The following DMD variants were observed in gnomAD, a reference collection of about 807,000 sequenced individuals.
The protein encoded by DMD is mutant dystrophin.
In DMD, 63 loss-of-function variants were observed where a neutral mutation model predicts 330.1. The ratio of observed to expected loss-of-function variants is 0.19; its 90% CI spans 0.16 to 0.24. The LOEUF (loss-of-function observed/expected upper bound fraction) is 0.24. DMD is among the 10% of genes least tolerant of loss of function. DMD has a pLI of 1.00. For missense variants in DMD, 3,344 were observed against 2,684.1 expected (o/e 1.25, Z -5.43); for synonymous variants, 1,223 against 959.8 (o/e 1.27, Z -5.07).
At position 32,825,945 on chromosome X, in the gene DMD, C is replaced by T. The variant is rs189839945; in HGVS notation, c.265-2558G>A. ...TTCTAGAGATGGATAGCGGTGATGA[C>T]TACCCAACAACAGAAATATACTTAA... On this transcript the variant is annotated intron_variant, in intron 4 of 78. Coordinates refer to ENST00000357033, the MANE Select transcript of DMD (RefSeq NM_004006.3). Among the ~76,000 whole-genome samples the T allele has an allele frequency of 9.6e-5, 9 of 93,892 alleles. No homozygotes were observed. In the East Asian group the frequency reaches 2.8e-3, roughly 29 times the overall value. The allele number at this position is 93,892 out of a possible 115,157, so 81.5% of individuals were successfully genotyped here. A position where few individuals can be genotyped will look rare whatever the true frequency, so the allele number is the denominator to read the frequency against.
At chrX:32,691,174 C>G (rs1245828951) in intron 9 of DMD, among the ~76,000 whole-genome samples, 2 of 110,340 alleles carry the variant, frequency 1.8e-5, no homozygotes. Flanking sequence ...TCTAAGTTAT[C>G]AAAAAGACAG....
At chrX:32,846,280 G>T in intron 3 of DMD, among the ~76,000 whole-genome samples, 1 of 111,866 alleles carries the variant, frequency 8.9e-6, no homozygotes, top group East Asian at 2.8e-4. Flanking sequence ...GGTGGAGCCA[G>T]GACCCAAACT....
intron 44 of DMD, among the ~76,000 whole-genome samples, chrX:32,125,980 T>C (rs748278032): frequency 4.5e-5 from 5 of 112,219 alleles, no homozygotes; most frequent in Admixed American, 9.5e-5. Flanking sequence ...AGAAGCTCTA[T>C]GGCTAGGGCT....
chrX:32,386,162 G>A (rs1603632240), intron 33 of DMD, 148 bp downstream of exon 33: 1 of 552,591 alleles, frequency 1.8e-6, no homozygotes, highest in Non-Finnish European at 3.1e-6. Flanking sequence ...ATACGTATAT[G>A]TGTGTATATA....
intron 74 of DMD, among the ~76,000 whole-genome samples, chrX:31,156,995 A>G (rs2038210420): frequency 8.9e-6 from 1 of 112,186 alleles, no homozygotes; most frequent in Non-Finnish European, 1.9e-5. Context: ...TCACAGCTGA[A>G]CATCTGGGCA....
intron 57 of DMD, among the ~76,000 whole-genome samples, chrX:31,486,052 T>G (rs1267560208): frequency 8.9e-6 from 1 of 112,388 alleles, no homozygotes; most frequent in Non-Finnish European, 1.9e-5. Flanking sequence ...TGTCCTCATT[T>G]GTAAAATGTG....
At chrX:31,380,749 C>T (rs1179321847) in intron 60 of DMD, among the ~76,000 whole-genome samples, 2 of 110,485 alleles carry the variant, frequency 1.8e-5, no homozygotes, top group Admixed American at 9.7e-5. Context: ...TTCTGGATCT[C>T]AAACATGCTT....
At chrX:32,426,325 G>T (rs72626039) in intron 29 of DMD, among the ~76,000 whole-genome samples, 1 of 111,470 alleles carries the variant, frequency 9.0e-6, no homozygotes, top group Non-Finnish European at 1.9e-5. Flanking sequence ...CAAAGGACAT[G>T]AACACACATT....
intron 60 of DMD, among the ~76,000 whole-genome samples, chrX:31,385,976 C>T (rs1027476481): frequency 1.8e-5 from 2 of 112,145 alleles, no homozygotes; most frequent in African/African-American, 3.2e-5. Context: ...GGAACCAACC[C>T]AAATGTCCAT....
intron 29 of DMD, among the ~76,000 whole-genome samples, chrX:32,414,647 A>C (rs2098159334): frequency 8.9e-6 from 1 of 112,231 alleles, no homozygotes; most frequent in African/African-American, 3.2e-5. Flanking sequence ...AATGAGAAAA[A>C]CAGAAAACTT....
At chrX:33,052,769 TA>T (rs1388503397) in intron 1 of DMD, among the ~76,000 whole-genome samples, 2 of 111,877 alleles carry the variant, frequency 1.8e-5, no homozygotes, top group Admixed American at 9.5e-5. Flanking sequence ...AGGGTGACTA[TA>T]GTCAATAATA....
At chrX:32,081,855 AAATAAT>A (rs748420139) in intron 44 of DMD, among the ~76,000 whole-genome samples, 44 of 110,023 alleles carry the variant, frequency 4.0e-4, no homozygotes, top group African/African-American at 1.3e-3. Flanking sequence ...ATTCTGTCTA[AAATAAT>A]AATAATAATA....
rs190322174 is a variant in DMD at position 32,520,100 on chromosome X, C to G, written c.2169-1969G>C. Among the ~76,000 whole-genome samples the G allele has an allele frequency of 5.4e-5, 6 of 111,831 alleles. No homozygotes were observed. The East Asian group carries it at 1.4e-3, about 26-fold the overall frequency. ...CTCTAAATCCCATGTCACTGAATGT[C>G]AGTAAGTTATCTGTGTATGCATTAC... On this transcript the variant is annotated intron_variant, in intron 17 of 78. Coordinates refer to ENST00000357033, the MANE Select transcript of DMD (RefSeq NM_004006.3).
At chrX:32,041,835 G>T (rs1484967987) in intron 44 of DMD, among the ~76,000 whole-genome samples, 2 of 107,712 alleles carry the variant, frequency 1.9e-5, no homozygotes, top group East Asian at 5.9e-4. Flanking sequence ...TTAAAATTTT[G>T]CTAAAGTACT....
At chrX:31,271,352 G>A (rs1313689895) in intron 62 of DMD, among the ~76,000 whole-genome samples, 1 of 111,694 alleles carries the variant, frequency 9.0e-6, no homozygotes, top group Admixed American at 9.5e-5. Flanking sequence ...TGTACTGTTG[G>A]AAGGGTCTTG....
At chrX:32,103,606 AT>A (rs2096550406) in intron 44 of DMD, among the ~76,000 whole-genome samples, 1 of 112,424 alleles carries the variant, frequency 8.9e-6, no homozygotes, top group African/African-American at 3.2e-5. Flanking sequence ...GCTTTAAAAA[AT>A]AAGGCACACT....
intron 1 of DMD, among the ~76,000 whole-genome samples, chrX:33,070,258 GCCTATGTA>G (rs2094725099): frequency 9.0e-6 from 1 of 111,325 alleles, no homozygotes; most frequent in South Asian, 3.8e-4. Flanking sequence ...GTTTCTGTGT[GCCTATGTA>G]CACGCACACA....
intron 53 of DMD, among the ~76,000 whole-genome samples, chrX:31,677,151 T>C (rs188090364): frequency 1.0e-3 from 112 of 111,589 alleles, no homozygotes; most frequent in Non-Finnish European, 1.9e-3. Context: ...TTAAAACATC[T>C]TACATGTTTT....
chrX:32,648,207 G>A (rs1450873462), intron 9 of DMD, among the ~76,000 whole-genome samples: 1 of 111,657 alleles, frequency 9.0e-6, no homozygotes, highest in Non-Finnish European at 1.9e-5. Context: ...TTTGTCTGAG[G>A]ATGTGCATAA....
Sources: gnomAD v4.1 joint callset for allele counts (sites outside exome capture counted in the v4.1 genomes callset) on GRCh38, gnomAD v4.1.1 for gene constraint, MANE v1.5 for transcripts, NCBI Gene and HGNC (gene_info 2026-07-23, HGNC 2026-07-21) for gene names.